CDCA7L: variants seen among roughly 807,000 people sequenced by gnomAD.
CDCA7L encodes the protein cell division cycle associated 7 like, also known as cell division cycle-associated 7-like protein.
In CDCA7L, 44 loss-of-function variants were observed where a neutral mutation model predicts 57.4. The ratio of observed to expected loss-of-function variants is 0.77; its 90% CI spans 0.60 to 0.98. The LOEUF is 0.98. Among genes scored for constraint, CDCA7L ranks in the 50% least tolerant of loss-of-function variants. The pLI, the probability that CDCA7L is intolerant of heterozygous loss-of-function variation, is 0.00. For missense variants in CDCA7L, 644 were observed against 580.6 expected (o/e 1.11, Z -1.12); for synonymous variants, 236 against 202.8 (o/e 1.16, Z -1.39).
chr7:21,908,639 G>A (rs746526455), intron 3 of CDCA7L, 132 bp from the exon 4 acceptor site: 75 of 985,664 alleles, frequency 7.6e-5, no homozygotes, highest in Non-Finnish European at 1.0e-4. Context: ...CATATTATGA[G>A]TTCCCTCTGA....
intron 1 of CDCA7L, among the ~76,000 whole-genome samples, chr7:21,940,018 C>T (rs1226791360): frequency 1.3e-5 from 2 of 148,366 alleles, no homozygotes; most frequent in Admixed American, 6.7e-5. Flanking sequence ...ATGTCCATCA[C>T]AGGCCAGCCC....
At chr7:21,916,578 C>T (rs1378394092) in intron 2 of CDCA7L, among the ~76,000 whole-genome samples, 176 bp downstream of exon 2, 6 of 145,960 alleles carry the variant, frequency 4.1e-5, no homozygotes, top group East Asian at 2.0e-4. Context: ...GCAAAGTGAA[C>T]GAGGTTCTCT....
chr7:21,902,683 C>T (rs2128055559), intron 9 of CDCA7L: 1 of 474,778 alleles, frequency 2.1e-6, no homozygotes, highest in South Asian at 3.0e-5. Flanking sequence ...TGTCTTTCCC[C>T]TCAGCCTGCC....
At chr7:21,936,005 C>T (rs1347189745) in intron 1 of CDCA7L, among the ~76,000 whole-genome samples, 1 of 150,422 alleles carries the variant, frequency 6.6e-6, no homozygotes, top group Non-Finnish European at 1.5e-5. Flanking sequence ...AAGACTCCGT[C>T]TCAAAATGAA....
At chr7:21,945,581 G>A (rs1247520799) in intron 1 of CDCA7L, among the ~76,000 whole-genome samples, 200 bp downstream of exon 1, 2 of 152,106 alleles carry the variant, frequency 1.3e-5, no homozygotes, top group African/African-American at 4.8e-5. Flanking sequence ...ACCGGCCTCT[G>A]TGGTCCGCGT....
intron 4 of CDCA7L, among the ~76,000 whole-genome samples, chr7:21,907,867 G>A (rs1006529919): frequency 6.6e-6 from 1 of 152,158 alleles, no homozygotes; most frequent in Non-Finnish European, 1.5e-5. Context: ...ACTTAGCTTG[G>A]TCAACAGTAA....
chr7:21,921,444 C>T (rs1785649797), intron 1 of CDCA7L, among the ~76,000 whole-genome samples: 1 of 151,330 alleles, frequency 6.6e-6, no homozygotes, highest in South Asian at 2.1e-4. Flanking sequence ...ATGAGAAGGA[C>T]CTGATAGAAA....
intron 2 of CDCA7L, among the ~76,000 whole-genome samples, chr7:21,916,073 T>C (rs992898235): frequency 3.9e-5 from 6 of 152,192 alleles, no homozygotes; most frequent in African/African-American, 1.4e-4. Flanking sequence ...CTTCCCTTCC[T>C]GGACTTGCCC....
chr7:21,940,738 T>G (rs1482095302), intron 1 of CDCA7L, among the ~76,000 whole-genome samples: 1 of 152,160 alleles, frequency 6.6e-6, no homozygotes, highest in African/African-American at 2.4e-5. Context: ...GTGGATGGGG[T>G]GTCCCTGCCT....
At position 21,902,290 on chromosome 7, in the gene CDCA7L, T is replaced by A; in HGVS notation, c.*32A>T. 1 of 1,599,454 alleles carries A rather than the reference T, an allele frequency of 6.3e-7. No homozygotes were observed. Among genetic ancestry groups the A allele is most frequent in the Non-Finnish European group, 8.6e-7 (1 of 1,166,604 alleles). ...ATGCATGTCTTGTTGGAGTACTCTATGGTGAGGTGGCTGGTTCTGTTTGTT... is the reference window on the plus strand; with the variant it reads ...ATGCATGTCTTGTTGGAGTACTCTAAGGTGAGGTGGCTGGTTCTGTTTGTT... On this transcript the variant is annotated 3_prime_UTR_variant, in exon 10 of 10. Transcript: ENST00000406877.
At chr7:21,914,863 T>C (rs1223440651) in intron 2 of CDCA7L, among the ~76,000 whole-genome samples, 7 of 152,218 alleles carry the variant, frequency 4.6e-5, no homozygotes, top group African/African-American at 1.7e-4. Flanking sequence ...AGAACACACC[T>C]GACTACAAAA....
chr7:21,905,939 G>A (rs1478084515), intron 6 of CDCA7L, among the ~76,000 whole-genome samples: 7 of 152,236 alleles, frequency 4.6e-5, no homozygotes, highest in African/African-American at 1.7e-4. Context: ...CCTCCAAACT[G>A]AAAGCGCTTG....
At chr7:21,933,299 G>C (rs1786072067) in intron 1 of CDCA7L, among the ~76,000 whole-genome samples, 1 of 152,130 alleles carries the variant, frequency 6.6e-6, no homozygotes, top group East Asian at 1.9e-4. Flanking sequence ...TCCATTACTG[G>C]GTTTATACCC....
Position 21,945,891 on chromosome 7 carries a change from C to A in CDCA7L, c.-87G>T. On this transcript the variant is annotated 5_prime_UTR_variant, in exon 1 of 10. Coordinates refer to ENST00000406877, the MANE Select transcript of CDCA7L (RefSeq NM_018719.5). The stretch of plus-strand genomic sequence containing the variant: ...GGCCCGGCGCACCAAGAACGCCCCG[C>A]GCCCGAGCAGCTAGCGCGCTCCGCC... The A allele has an allele frequency of 7.0e-7, 1 of 1,434,712 alleles. No homozygotes were observed. Among genetic ancestry groups the A allele is most frequent in the Non-Finnish European group, 9.4e-7 (1 of 1,069,516 alleles). 88.9% of individuals were successfully genotyped at this position (1,434,712 alleles called of 1,614,324 possible).
intron 1 of CDCA7L, among the ~76,000 whole-genome samples, chr7:21,936,073 T>C (rs1786153675): frequency 6.6e-6 from 1 of 152,066 alleles, no homozygotes; most frequent in Admixed American, 6.6e-5. Context: ...TGCCAACAAA[T>C]TGGATTATCT....
chr7:21,917,380 T>C (rs887927117), intron 1 of CDCA7L, among the ~76,000 whole-genome samples: 10 of 152,228 alleles, frequency 6.6e-5, no homozygotes, highest in African/African-American at 2.4e-4. Flanking sequence ...AAGTAGCTTT[T>C]CTTCTTTTCT....
intron 4 of CDCA7L, 108 bp downstream of exon 4, chr7:21,908,022 G>T: frequency 8.0e-7 from 1 of 1,248,624 alleles, no homozygotes; most frequent in Non-Finnish European, 1.1e-6. Flanking sequence ...TTTCTTGACA[G>T]AAGCCAAAGC....
In CDCA7L at chr7:21,908,294, G is replaced by T; in HGVS notation, c.517C>A (p.Gln173Lys). 1 of 1,611,668 alleles carries T rather than the reference G, an allele frequency of 6.2e-7. No individual in the cohort carries two copies. Among genetic ancestry groups the T allele is most frequent in the Non-Finnish European group, 8.5e-7 (1 of 1,179,426 alleles). ...TCAAGAATTGTTTTTTTCTCATTCT[G>T]TAAGCGTGCGCTAGAAAACAACTGC... ...SEQLFSSARL[Q>K]NEKKTILERK... The change falls in exon 4 of 10, where the codon CAG becomes AAG. Residue 173 changes from glutamine to lysine, a missense_variant. Physicochemically the swap from Gln to Lys is moderately conservative, Grantham distance 53. Coordinates refer to ENST00000406877, the MANE Select transcript of CDCA7L (RefSeq NM_018719.5).
chr7:21,902,914 A>AGGGTCTC, intron 9 of CDCA7L, 64 bp downstream of exon 9: 1 of 1,527,220 alleles, frequency 6.5e-7, no homozygotes, highest in Non-Finnish European at 9.0e-7. Context: ...ACTTGCCCAG[A>AGGGTCTC]GGGTCTCCTG....
Sources: allele counts gnomAD v4.1 joint callset (sites outside exome capture counted in the v4.1 genomes callset), GRCh38; gene constraint gnomAD v4.1.1; transcripts MANE v1.5; gene names NCBI Gene and HGNC (gene_info 2026-07-23, HGNC 2026-07-21).